Variants in ARIH2 observed in about 807,000 individuals in gnomAD.
The protein encoded by ARIH2 is ariadne RBR E3 ubiquitin protein ligase 2.
A neutral mutation model predicts 79.8 loss-of-function variants in ARIH2; 12 were observed. That is an observed-to-expected ratio of 0.15 (90% confidence interval 0.10 to 0.24). The LOEUF (loss-of-function observed/expected upper bound fraction) is 0.24, where lower values mean the gene tolerates loss of function less well. ARIH2 is among the 10% of genes least tolerant of loss of function. The probability of loss-of-function intolerance (pLI) is 1.00; values close to 1 mark genes in which losing one functional copy is unlikely to be tolerated. For missense variants in ARIH2, 301 were observed against 618.3 expected (o/e 0.49, Z 5.44); for synonymous variants, 224 against 213.9 (o/e 1.05, Z -0.41).
At chr3:48,948,744 C>T (rs538583911) in intron 3 of ARIH2, among the ~76,000 whole-genome samples, 1 of 152,318 alleles carries the variant, frequency 6.6e-6, no homozygotes, top group African/African-American at 2.4e-5. Context: ...GACTACTGAT[C>T]TTCTGTCTCA....
chr3:48,969,365 T>C (rs1048855756), intron 7 of ARIH2, among the ~76,000 whole-genome samples: 2 of 152,152 alleles, frequency 1.3e-5, no homozygotes, highest in Non-Finnish European at 2.9e-5. Flanking sequence ...GTATTGCTTT[T>C]TGAGTAATTG....
chr3:48,960,842 T>C (rs1370343579), intron 3 of ARIH2, among the ~76,000 whole-genome samples: 1 of 152,130 alleles, frequency 6.6e-6, no homozygotes, highest in African/African-American at 2.4e-5. Context: ...CATAGATCTG[T>C]CATATATTAT....
rs1396333450 is a variant in ARIH2 at position 48,980,129 on chromosome 3, G to T, written c.1114-224G>T. 1.2e-5 allele frequency: 5 copies of T among 412,190 alleles called. No individual in the cohort carries two copies. The East Asian group carries it at 1.7e-4, about 14-fold the overall frequency. The allele number at this position is 412,190 out of a possible 1,614,324, so 25.5% of individuals were successfully genotyped here. ...GCTTTGCAGAGTCCTCAGGGCTCGA[G>T]TCCTGTTGCCCCAGAAGGGTAGAGC... On this transcript the variant is annotated intron_variant, in intron 12 of 15. Transcript: ENST00000356401.
intron 11 of ARIH2, among the ~76,000 whole-genome samples, chr3:48,975,590 A>C (rs1268313036): frequency 6.7e-6 from 1 of 150,312 alleles, no homozygotes; most frequent in East Asian, 1.9e-4. Context: ...TGGGAGAAGG[A>C]GTCTCACTCT....
chr3:48,968,724 A>G lies in ARIH2; in HGVS notation c.660+69A>G. The G allele has an allele frequency of 2.6e-6, 4 of 1,561,598 alleles. No homozygotes were observed. In the Admixed American group the frequency reaches 7.0e-5, roughly 27 times the overall value. On this transcript the variant is annotated intron_variant, in intron 7 of 15. Coordinates refer to ENST00000356401, the MANE Select transcript of ARIH2 (RefSeq NM_006321.4). ...CTTCCATCAGAGGGTCACCACAGTT[A>G]CTTACTTTGTAGACTAGGCTGACAT...
At chr3:48,966,022 A>G (rs930419122) in intron 5 of ARIH2, among the ~76,000 whole-genome samples, 1 of 152,034 alleles carries the variant, frequency 6.6e-6, no homozygotes, top group Non-Finnish European at 1.5e-5. Context: ...TCCCCTGGAA[A>G]CTCACCTAAT....
intron 3 of ARIH2, among the ~76,000 whole-genome samples, chr3:48,929,464 C>T (rs2086092444): frequency 6.6e-6 from 1 of 152,084 alleles, no homozygotes; most frequent in Non-Finnish European, 1.5e-5. Context: ...CGCCTCATCT[C>T]TTACTGCCCT....
chr3:48,958,769 C>T (rs142535777), intron 3 of ARIH2, among the ~76,000 whole-genome samples: 24 of 151,820 alleles, frequency 1.6e-4, no homozygotes, highest in African/African-American at 5.1e-4. Context: ...CTCAGCACTT[C>T]GGGAGGAGGC....
Position 48,959,649 on chromosome 3 carries a change from CAAAAAAAAAAAAAA to C in ARIH2, c.256-1950_256-1937del, listed in dbSNP as rs71077758. Among the ~76,000 whole-genome samples the C allele has an allele frequency of 6.0e-5, 3 of 50,102 alleles. 1 individual carries two copies. Among genetic ancestry groups the C allele is most frequent in the South Asian group, 8.8e-4 (1 of 1,140 alleles). 32.9% of individuals were successfully genotyped at this position (50,102 alleles called of 152,430 possible). ...AAACCCCGTCTCTACTAAAAAATAC[CAAAAAAAAAAAAAA>C]AAAAAAAAAAAAGAAAAGAAAATAC... is the stretch of plus-strand genomic sequence containing the variant. On this transcript the variant is annotated intron_variant, in intron 3 of 15. Transcript: ENST00000356401.
At chr3:48,946,867 C>T (rs1157315847) in intron 3 of ARIH2, among the ~76,000 whole-genome samples, 1 of 152,080 alleles carries the variant, frequency 6.6e-6, no homozygotes, top group Non-Finnish European at 1.5e-5. Flanking sequence ...TTGAGGGTAC[C>T]CTTCACTCTT....
Position 48,927,671 on chromosome 3 carries a change from A to G in ARIH2, c.113A>G (p.Tyr38Cys). 6.2e-7 allele frequency: 1 copy of G among 1,614,114 alleles called. No homozygotes were observed. The highest frequency in any genetic ancestry group is 8.5e-7 in the Non-Finnish European group (1 of 1,179,998). The change falls in exon 3 of 16, where the codon TAT becomes TGT. Residue 38 changes from tyrosine to cysteine, a missense_variant. This residue lies in a region of ARIH2 where 223 missense variants were observed against 349.4 expected (regional missense o/e 0.64). Coordinates refer to ENST00000356401, the MANE Select transcript of ARIH2 (RefSeq NM_006321.4). ...EEDDPGDIED[Y>C]YVGVASDVEQ... Reference sequence around the variant, plus strand: ...GACGACCCTGGGGACATAGAGGACTATTACGTGGGAGTAGCCAGCGATGTG... The same window carrying G: ...GACGACCCTGGGGACATAGAGGACTGTTACGTGGGAGTAGCCAGCGATGTG...
chr3:48,919,092 C>G (rs780190324), intron 1 of ARIH2, 94 bp downstream of exon 1: 1 of 1,273,258 alleles, frequency 7.9e-7, no homozygotes, highest in Non-Finnish European at 9.9e-7. Context: ...GGGACTCCGC[C>G]TTCGCCGTCG....
At chr3:48,968,201 ATT>A (rs532883982) in intron 6 of ARIH2, 255 of 133,904 alleles carry the variant, frequency 1.9e-3, no homozygotes, top group Middle Eastern at 4.1e-3. Flanking sequence ...CACCTGGCTA[ATT>A]TTTTTTTTTT....
intron 3 of ARIH2, 68 bp downstream of exon 3, chr3:48,927,881 A>G: frequency 6.4e-7 from 1 of 1,567,936 alleles, no homozygotes; most frequent in Non-Finnish European, 8.7e-7. Flanking sequence ...GTTGTTAATT[A>G]ATGTCTCCTC....
At chr3:48,971,705 C>T (rs1479061478) in intron 8 of ARIH2, among the ~76,000 whole-genome samples, 1 of 152,200 alleles carries the variant, frequency 6.6e-6, no homozygotes, top group Middle Eastern at 3.2e-3. Context: ...TGTGTACGCA[C>T]ATGCCTGCAT....
Position 48,974,950 on chromosome 3 carries a change from T to C in ARIH2, c.940-8T>C. ...CTTAACGTGTTTTCTTCTGTTTCCCTCTGACAGCAATGCTCCAAATGTAAA... is the reference window on the plus strand; with the variant it reads ...CTTAACGTGTTTTCTTCTGTTTCCCCCTGACAGCAATGCTCCAAATGTAAA... On this transcript the variant is annotated splice_polypyrimidine_tract_variant and splice_region_variant and intron_variant, in intron 10 of 15. Coordinates refer to ENST00000356401, the MANE Select transcript of ARIH2 (RefSeq NM_006321.4). The C allele has an allele frequency of 1.9e-6, 3 of 1,614,204 alleles. No individual in the cohort carries two copies. Among genetic ancestry groups the C allele is most frequent in the Non-Finnish European group, 2.5e-6 (3 of 1,180,034 alleles).
intron 3 of ARIH2, among the ~76,000 whole-genome samples, chr3:48,932,402 AAGTT>A (rs1294663186): frequency 2.0e-5 from 3 of 152,230 alleles, no homozygotes; most frequent in Non-Finnish European, 2.9e-5. Flanking sequence ...AAAGAAAACA[AAGTT>A]ACCTTTTTCT....
chr3:48,954,936 G>A (rs935746408), intron 3 of ARIH2, among the ~76,000 whole-genome samples: 1 of 152,198 alleles, frequency 6.6e-6, no homozygotes, highest in African/African-American at 2.4e-5. Flanking sequence ...GGTGGCTCAT[G>A]CCCATAATCC....
chr3:48,970,279 A>G (rs889677395), intron 7 of ARIH2, among the ~76,000 whole-genome samples: 2 of 151,934 alleles, frequency 1.3e-5, no homozygotes, highest in Non-Finnish European at 2.9e-5. Flanking sequence ...GCAGCCTGAA[A>G]TTTCAGGCCT....
Sources: allele counts gnomAD v4.1 joint callset (sites outside exome capture counted in the v4.1 genomes callset), GRCh38; gene constraint gnomAD v4.1.1; regional missense constraint gnomAD v4.1.1; transcripts MANE v1.5; gene names NCBI Gene and HGNC (gene_info 2026-07-23, HGNC 2026-07-21).